Variants in ELAVL1 observed in about 807,000 individuals in gnomAD.
ELAVL1 encodes the protein ELAV like RNA binding protein 1.
Under a neutral mutation model 28.4 loss-of-function variants are expected in ELAVL1, and 1 was observed. The observed-to-expected ratio is 0.04, with a 90% CI of 0.01 to 0.17. The LOEUF (loss-of-function observed/expected upper bound fraction) is 0.17, where lower values mean the gene tolerates loss of function less well. Among genes scored for constraint, ELAVL1 ranks in the 10% least tolerant of loss-of-function variants. The pLI is 1.00. For missense variants in ELAVL1, 157 were observed against 447.2 expected (o/e 0.35, Z 5.85); for synonymous variants, 174 against 183.5 (o/e 0.95, Z 0.42).
At position 7,982,385 on chromosome 19, in the gene ELAVL1, G is replaced by T. The variant is rs929798137; in HGVS notation, c.173-1199C>A. Among the ~76,000 whole-genome samples, 1 of 152,168 alleles carries T rather than the reference G, an allele frequency of 6.6e-6. No individual in the cohort carries two copies. Among genetic ancestry groups the T allele is most frequent in the South Asian group, 2.1e-4 (1 of 4,822 alleles). ...AGAGCGCGACAACGAGCAGGTCACC[G>T]AACAGGAGGTGGCCTGGAGCCCCAC... On this transcript the variant is annotated intron_variant, in intron 2 of 5. Coordinates refer to ENST00000407627, the MANE Select transcript of ELAVL1 (RefSeq NM_001419.3). This position sits in a 1 kb window ranked among gnomAD's most constrained non-coding sequence, Gnocchi z 4.3.
At chr19:7,970,397 C>T (rs182323083) in intron 4 of ELAVL1, among the ~76,000 whole-genome samples, 257 of 152,302 alleles carry the variant, frequency 1.7e-3, no homozygotes, top group African/African-American at 5.6e-3. Context: ...CCTCGTGATC[C>T]GCCCACCTTG....
At chr19:7,965,599 G>A (rs139390543) in intron 5 of ELAVL1, among the ~76,000 whole-genome samples, 3 of 151,730 alleles carry the variant, frequency 2.0e-5, no homozygotes, top group Middle Eastern at 3.4e-3. Context: ...AGACTCTCCC[G>A]CCCTCCCCAC....
intron 4 of ELAVL1, 69 bp from the exon 5 acceptor site, chr19:7,967,859 A>C: frequency 6.5e-7 from 1 of 1,545,120 alleles, no homozygotes; most frequent in South Asian, 1.2e-5. Context: ...TGAAAAGCAA[A>C]AGTCAGGTCA....
At chr19:7,997,164 C>T (rs1413243959) in intron 1 of ELAVL1, among the ~76,000 whole-genome samples, 1 of 152,206 alleles carries the variant, frequency 6.6e-6, no homozygotes, top group Non-Finnish European at 1.5e-5. Flanking sequence ...GAAATATACA[C>T]TTAGCATGGG....
intron 4 of ELAVL1, among the ~76,000 whole-genome samples, chr19:7,970,621 C>T (rs913690175): frequency 6.6e-6 from 1 of 151,884 alleles, no homozygotes; most frequent in Non-Finnish European, 1.5e-5. Context: ...GTCCAAGAAA[C>T]GGCATAATCT....
In ELAVL1 at chr19:7,991,719, G is replaced by C; in HGVS notation, c.97C>G (p.Gln33Glu). The C allele has an allele frequency of 6.2e-7, 1 of 1,614,098 alleles. No individual in the cohort carries two copies. The highest frequency in any genetic ancestry group is 8.5e-7 in the Non-Finnish European group (1 of 1,180,008). ...CTGAACAGGCTTCGTAACTCATCCT[G>C]GGTCATGTTCTGAGGGAGGTAGTTG... ...IVNYLPQNMTQDELRSLFSSI... is the reference protein window; with the variant it reads ...IVNYLPQNMTEDELRSLFSSI... The change falls in exon 2 of 6, where the codon CAG becomes GAG. Residue 33 changes from glutamine (Q) to glutamate (E), a missense_variant. Physicochemically the swap from Gln to Glu is conservative, Grantham distance 29. Around this residue, in one of 4 missense-constraint regions of ELAVL1, gnomAD observed 28 missense variants for 89.7 expected, o/e 0.31. Transcript: ENST00000407627.
At position 7,979,061 on chromosome 19, in the gene ELAVL1, C is replaced by T. The variant is rs756158812; in HGVS notation, c.276+2022G>A. Among the ~76,000 whole-genome samples the T allele has an allele frequency of 2.4e-4, 37 of 152,218 alleles. No individual in the cohort carries two copies. Among genetic ancestry groups the T allele is most frequent in the Non-Finnish European group, 4.4e-4 (30 of 68,036 alleles). On this transcript the variant is annotated intron_variant, in intron 3 of 5. Coordinates refer to ENST00000407627, the MANE Select transcript of ELAVL1 (RefSeq NM_001419.3). This position sits in a 1 kb window ranked among gnomAD's most constrained non-coding sequence, Gnocchi z 5.4. ...GCTCAGTAAAGGTTTGCGGAATGAA[C>T]ACACTTGGAGCACAGAGGACCCCAG... is the stretch of plus-strand genomic sequence containing the variant.
Position 7,968,711 on chromosome 19 carries a change from T to C in ELAVL1, c.431-921A>G, listed in dbSNP as rs1372726429. Among the ~76,000 whole-genome samples, 4 of 152,312 alleles carry C rather than the reference T, an allele frequency of 2.6e-5. No homozygotes were observed. The East Asian group carries it at 5.8e-4, about 22-fold the overall frequency. ...GAGGACCGTCCTGCTATGGGGGACA[T>C]TGGTCAGCTGGGCATGGGTGTGAGA... is the stretch of plus-strand genomic sequence containing the variant. On this transcript the variant is annotated intron_variant, in intron 4 of 5. Transcript: ENST00000407627.
intron 2 of ELAVL1, among the ~76,000 whole-genome samples, chr19:7,991,273 T>C (rs1024647253): frequency 6.6e-6 from 1 of 152,270 alleles, no homozygotes; most frequent in Non-Finnish European, 1.5e-5. Context: ...CCCTGGACAG[T>C]ACACTCGCCA....
rs1985458327 is a variant in ELAVL1, at chr19:7,981,354, CCTT to C, written c.173-171_173-169del. 7.1e-6 allele frequency among the ~76,000 whole-genome samples: 1 copy of C among 140,130 alleles called. No individual in the cohort carries two copies. The highest frequency in any genetic ancestry group is 2.6e-5 in the African/African-American group (1 of 38,948). The allele number at this position is 140,130 out of a possible 152,430, so 91.9% of individuals were successfully genotyped here. ...ACATTTTCTGCAATGAACACAGGTT[CCTT>C]TTTTTTTTTTTTTTTAAAGAGATAG... On this transcript the variant is annotated intron_variant, in intron 2 of 5. Transcript: ENST00000407627. The surrounding 1 kb of genome is among the most constrained non-coding windows in gnomAD (Gnocchi z 4.2).
At position 7,963,384 on chromosome 19, in the gene ELAVL1, T is replaced by C; in HGVS notation, c.*99A>G. ...TTCTCATTCAGACAAAGACAAACAC[T>C]TGTGAAAATTGGCGCAAAATGAGTT... On this transcript the variant is annotated 3_prime_UTR_variant, in exon 6 of 6. Coordinates refer to ENST00000407627, the MANE Select transcript of ELAVL1 (RefSeq NM_001419.3). The surrounding 1 kb of genome is among the most constrained non-coding windows in gnomAD (Gnocchi z 4.5). 2 of 1,384,870 alleles carry C rather than the reference T, an allele frequency of 1.4e-6. No homozygotes were observed. Among genetic ancestry groups the C allele is most frequent in the Non-Finnish European group, 2.0e-6 (2 of 1,019,472 alleles). 85.8% of individuals were successfully genotyped at this position (1,384,870 alleles called of 1,614,324 possible). A position where few individuals can be genotyped will look rare whatever the true frequency, so the allele number is the denominator to read the frequency against.
chr19:7,999,420 T>C (rs549812771), intron 1 of ELAVL1, among the ~76,000 whole-genome samples: 46 of 152,310 alleles, frequency 3.0e-4, no homozygotes, highest in Admixed American at 3.0e-3. Context: ...ACAGGTTACT[T>C]ACTCTAGTTC....
chr19:7,990,467 G>A (rs1305127003), intron 2 of ELAVL1, among the ~76,000 whole-genome samples: 1 of 151,164 alleles, frequency 6.6e-6, no homozygotes, highest in Non-Finnish European at 1.5e-5. Flanking sequence ...CGAGACTCAA[G>A]CAATTCTCCT....
intron 1 of ELAVL1, among the ~76,000 whole-genome samples, chr19:8,002,576 G>A (rs1863731322): frequency 6.6e-6 from 1 of 152,244 alleles, no homozygotes; most frequent in Non-Finnish European, 1.5e-5. Context: ...GGCGCCAGCC[G>A]GGCGCTGCGC....
At chr19:7,972,632 TC>T (rs941908740) in intron 4 of ELAVL1, among the ~76,000 whole-genome samples, 16 of 140,328 alleles carry the variant, frequency 1.1e-4, no homozygotes, top group Non-Finnish European at 1.6e-4. Context: ...TTTTTCTTTT[TC>T]TTTTTTTTTA....
chr19:7,973,915 C>T (rs999681076), intron 3 of ELAVL1, 37 bp from the exon 4 acceptor site: 16 of 1,608,696 alleles, frequency 9.9e-6, no homozygotes, highest in Non-Finnish European at 1.4e-5. Flanking sequence ...TTAGTACAGG[C>T]ACGTGGCCAA....
In ELAVL1 at chr19:8,002,707, C is replaced by G. The variant is rs539670546; in HGVS notation, c.-17+2788G>C. ...AGTGGCAGTCAGACGAGGCTTCAAA[C>G]GGCCAGTGAGCTCTGGGCTGAGCCA... On this transcript the variant is annotated intron_variant, in intron 1 of 5. Transcript: ENST00000407627. Among the ~76,000 whole-genome samples the G allele has an allele frequency of 3.9e-5, 6 of 152,322 alleles. No individual in the cohort carries two copies. The South Asian group carries it at 1.0e-3, about 26-fold the overall frequency.
intron 4 of ELAVL1, among the ~76,000 whole-genome samples, chr19:7,968,237 G>C (rs1985006887): frequency 6.6e-6 from 1 of 152,208 alleles, no homozygotes; most frequent in African/African-American, 2.4e-5. Context: ...GGGCTCAGGG[G>C]CCACTCTCCT....
At chr19:7,994,650 C>A (rs1985832745) in intron 1 of ELAVL1, among the ~76,000 whole-genome samples, 1 of 152,184 alleles carries the variant, frequency 6.6e-6, no homozygotes, top group African/African-American at 2.4e-5. Context: ...AAATCCAGCG[C>A]AAGATCACCT....
Sources: gnomAD v4.1 joint callset for allele counts (sites outside exome capture counted in the v4.1 genomes callset) on GRCh38, gnomAD v4.1.1 for gene constraint, gnomAD v4.1.1 regional missense constraint, Gnocchi (gnomAD v3.1) non-coding constraint, MANE v1.5 for transcripts, NCBI Gene and HGNC (gene_info 2026-07-23, HGNC 2026-07-21) for gene names.